The following ALDH3A1 variants were observed in gnomAD, a reference collection of about 807,000 sequenced individuals.
ALDH3A1 encodes aldehyde dehydrogenase, dimeric NADP-preferring.
A neutral mutation model predicts 49.9 loss-of-function variants in ALDH3A1; 46 were observed. That is an observed-to-expected ratio of 0.92 (90% confidence interval 0.73 to 1.18). The LOEUF is 1.18. ALDH3A1 is among the 50% of genes most tolerant of loss of function. ALDH3A1 has a pLI of 0.00. For synonymous variants in ALDH3A1, 269 were observed against 253.3 expected (o/e 1.06, Z -0.59); for missense variants, 592 against 611.8 (o/e 0.97, Z 0.34).
At position 19,742,075 on chromosome 17, in the gene ALDH3A1, A is replaced by G; in HGVS notation, c.618T>C (p.Pro206=). The G allele has an allele frequency of 6.2e-7, 1 of 1,614,024 alleles. No homozygotes were observed. Among genetic ancestry groups the G allele is most frequent in the East Asian group, 2.2e-5 (1 of 44,882 alleles). The change falls in exon 5 of 11, where the codon CCT becomes CCC. Residue 206 remains proline, a synonymous_variant. Transcript: ENST00000225740. ...IMTAAAKHLT[P]VTLELGGKSP... is the part of the protein sequence containing the mutation. ...TCTTCCCTCCCAGCTCCAGCGTGAC[A>G]GGGGTCAGGTGCTTGGCAGCAGCCG...
chr17:19,743,956 G>T lies in ALDH3A1; in HGVS notation c.163-493C>A, dbSNP rs1427903371. 1 of 985,258 alleles carries T rather than the reference G, an allele frequency of 1.0e-6. No homozygotes were observed. Among genetic ancestry groups the T allele is most frequent in the African/African-American group, 1.7e-5 (1 of 57,214 alleles). The allele number at this position is 985,258 out of a possible 1,614,324, so 61.0% of individuals were successfully genotyped here. On this transcript the variant is annotated intron_variant, in intron 2 of 10. Transcript: ENST00000225740. This position sits in a 1 kb window ranked among gnomAD's most constrained non-coding sequence, Gnocchi z 4.4. Reference sequence around the variant, plus strand: ...CTCAGGGCCTCCTGTGGGGAGCAGGGGTGAGAAGAGGAGATGCAGACGGCG... The same window carrying T: ...CTCAGGGCCTCCTGTGGGGAGCAGGTGTGAGAAGAGGAGATGCAGACGGCG...
intron 6 of ALDH3A1, 78 bp from the exon 7 acceptor site, chr17:19,740,555 C>A: frequency 1.3e-6 from 2 of 1,535,254 alleles, no homozygotes; most frequent in Non-Finnish European, 1.8e-6. Context: ...CACAGGCCAG[C>A]AGTGTCTGTC....
chr17:19,745,084 T>C lies in ALDH3A1; in HGVS notation c.46A>G (p.Ser16Gly), dbSNP rs754303573. The change falls in exon 2 of 11, where the codon AGC becomes GGC. Residue 16 changes from serine to glycine, a missense_variant. Ser to Gly is a moderately conservative substitution (Grantham distance 56, BLOSUM62 0). Coordinates refer to ENST00000225740, the MANE Select transcript of ALDH3A1 (RefSeq NM_000691.5). ...EAVKRARAAF[S>G]SGRTRPLQFR... is the part of the protein sequence containing the mutation. ...TGCAGCGGACGGGTCCTGCCCGAGC[T>C]GAAGGCGGCGCGGGCGCGCTTCACG... 1.3e-6 allele frequency: 2 copies of C among 1,591,252 alleles called. No homozygotes were observed. Among genetic ancestry groups the C allele is most frequent in the Non-Finnish European group, 1.7e-6 (2 of 1,175,132 alleles).
chr17:19,738,229 G>A lies in ALDH3A1; in HGVS notation c.1354C>T (p.Gln452Ter). The A allele has an allele frequency of 6.2e-7, 1 of 1,614,000 alleles. No homozygotes were observed. The highest frequency in any genetic ancestry group is 8.5e-7 in the Non-Finnish European group (1 of 1,179,998). ...RYPPSPAKMT[Q>*]H ...GGCGGAGCAACCCCTCCTCAGTGCT[G>A]GGTCATCTGTGAAAGGGACACGGAG... The change falls in exon 11 of 11, where the codon CAG (glutamine) becomes TAG (stop). Residue 452 changes from glutamine to a stop codon, truncating the protein, a stop_gained. Transcript: ENST00000225740. LOFTEE classifies it high-confidence loss of function.
chr17:19,740,028 G>A, intron 7 of ALDH3A1: 1 of 450,898 alleles, frequency 2.2e-6, no homozygotes, highest in South Asian at 3.9e-5. Context: ...GGCACTGGGG[G>A]CCCCTCACGG....
In ALDH3A1 at chr17:19,738,977, A is replaced by C; in HGVS notation, c.1216+19T>G. 6.2e-7 allele frequency: 1 copy of C among 1,606,358 alleles called. No homozygotes were observed. Among genetic ancestry groups the C allele is most frequent in the Non-Finnish European group, 8.5e-7 (1 of 1,175,982 alleles). On this transcript the variant is annotated intron_variant, in intron 9 of 10. Coordinates refer to ENST00000225740, the MANE Select transcript of ALDH3A1 (RefSeq NM_000691.5). The stretch of plus-strand genomic sequence containing the variant: ...CCCTGGGGCCCAGAGGGAGGCAGCA[A>C]GCTCAGCCCCAGACTCACCCACGCC...
chr17:19,742,120 C>T lies in ALDH3A1; in HGVS notation c.573G>A (p.Gly191=). The change falls in exon 5 of 11, where the codon GGG becomes GGA. Residue 191 remains glycine (G), a synonymous_variant. Coordinates refer to ENST00000225740, the MANE Select transcript of ALDH3A1 (RefSeq NM_000691.5). The part of the protein sequence containing the change: ...FDHILYTGST[G]VGKIIMTAAA... ...CAGCCGTCATGATGATCTTCCCCAC[C>T]CCCGTGCTGCCCGTGTACAGGATAT... The T allele has an allele frequency of 1.9e-6, 3 of 1,614,062 alleles. No homozygotes were observed. The South Asian group carries it at 3.3e-5, about 18-fold the overall frequency.
rs545856620 is a variant in ALDH3A1 at position 19,743,552 on chromosome 17, G to T, written c.163-89C>A. On this transcript the variant is annotated intron_variant, in intron 2 of 10. Transcript: ENST00000225740. This position sits in a 1 kb window ranked among gnomAD's most constrained non-coding sequence, Gnocchi z 4.4. ...GGAGCCCCACTGCTCAGCTGCCAGG[G>T]TGATGGGGGTCACTCACCCAGCCCA... 6 of 1,503,042 alleles carry T rather than the reference G, an allele frequency of 4.0e-6. No homozygotes were observed. The highest frequency in any genetic ancestry group is 1.3e-5 in the South Asian group (1 of 74,342). The allele number at this position is 1,503,042 out of a possible 1,614,324, so 93.1% of individuals were successfully genotyped here.
In ALDH3A1 at chr17:19,739,502, A is replaced by G; in HGVS notation, c.1116+6T>C. The G allele has an allele frequency of 6.2e-7, 1 of 1,606,060 alleles. No individual in the cohort carries two copies. The highest frequency in any genetic ancestry group is 8.5e-7 in the Non-Finnish European group (1 of 1,177,002). On this transcript the variant is annotated splice_donor_region_variant and intron_variant, in intron 8 of 10. Coordinates refer to ENST00000225740, the MANE Select transcript of ALDH3A1 (RefSeq NM_000691.5). ...TGGCAGAGGGCACCCCAGGCCCACC[A>G]CCCACCTTGTCGTTGCTGGAGAACA... is the stretch of plus-strand genomic sequence containing the variant.
rs777224011 is a variant in ALDH3A1, at chr17:19,742,213, C to T, written c.481-1G>A. ...CCCCATTGATTACTGGGTACAGATCCTTCCATGCAAGGAGAGAGGGGAGGC... is the reference window on the plus strand; with the variant it reads ...CCCCATTGATTACTGGGTACAGATCTTTCCATGCAAGGAGAGAGGGGAGGC... On this transcript the variant is annotated splice_acceptor_variant, in intron 4 of 10. Coordinates refer to ENST00000225740, the MANE Select transcript of ALDH3A1 (RefSeq NM_000691.5). LOFTEE classifies it high-confidence loss of function. 6.2e-7 allele frequency: 1 copy of T among 1,613,826 alleles called. No homozygotes were observed. Among genetic ancestry groups the T allele is most frequent in the Non-Finnish European group, 8.5e-7 (1 of 1,179,844 alleles).
Position 19,739,660 on chromosome 17 carries a change from T to TGAGGATGGTGGG in ALDH3A1, c.952_963dup (p.Pro318_Leu321dup). ...ACCGGGGACTGGGGGTCCACGTCCG[T>TGAGGATGGTGGG]GAGGATGGTGGGGGCTGAGGCAGGA... On this transcript the variant is annotated inframe_insertion, in exon 8 of 11. Coordinates refer to ENST00000225740, the MANE Select transcript of ALDH3A1 (RefSeq NM_000691.5). 1 of 1,613,416 alleles carries TGAGGATGGTGGG rather than the reference T, an allele frequency of 6.2e-7. No homozygotes were observed.
rs565535963 is a variant in ALDH3A1 at position 19,742,605 on chromosome 17, C to T, written c.420G>A (p.Ser140=). The part of the protein sequence containing the change: ...AAGNSVVLKP[S]ELSENMASLL... ...GGCTCGCCATGTTCTCACTCAGCTCCGAGGGCTTGAGGACCACTGAGTTCC... is the reference window on the plus strand; with the variant it reads ...GGCTCGCCATGTTCTCACTCAGCTCTGAGGGCTTGAGGACCACTGAGTTCC... Residue 140 remains serine (S), a synonymous_variant, in exon 4 of 11, where the codon TCG becomes TCA. Transcript: ENST00000225740. 9.9e-6 allele frequency: 16 copies of T among 1,614,042 alleles called. No homozygotes were observed. The highest frequency in any genetic ancestry group is 4.5e-5 in the East Asian group (2 of 44,886).
intron 2 of ALDH3A1, 52 bp downstream of exon 2, chr17:19,744,916 C>CCCCCCCCCCCCCCCCCA: frequency 1.5e-6 from 2 of 1,345,112 alleles, no homozygotes; most frequent in Non-Finnish European, 1.9e-6. Flanking sequence ...TCCCCCCACG[C>CCCCCCCCCCCCCCCCCA]CCCATCGCAT....
chr17:19,740,017 G>A (rs1387736991), intron 7 of ALDH3A1, among the ~76,000 whole-genome samples: 2 of 152,178 alleles, frequency 1.3e-5, no homozygotes, highest in South Asian at 2.1e-4. Context: ...CCCACAGCCT[G>A]GGCACTGGGG....
At position 19,743,440 on chromosome 17, in the gene ALDH3A1, C is replaced by G; in HGVS notation, c.186G>C (p.Glu62Asp). The change falls in exon 3 of 11, where the codon GAG becomes GAC. Residue 62 changes from glutamate (E) to aspartate (D), a missense_variant. Transcript: ENST00000225740. This position sits in a 1 kb window ranked among gnomAD's most constrained non-coding sequence, Gnocchi z 4.4. ...LHKNEWNAYY[E>D]EVVYVLEEIE... ...TCTCCTCTAGGACGTACACCACCTC[C>G]TCATAGTAGGCGTTCCATTCATTCT... The G allele has an allele frequency of 6.2e-7, 1 of 1,607,200 alleles. No individual in the cohort carries two copies. Among genetic ancestry groups the G allele is most frequent in the Non-Finnish European group, 8.5e-7 (1 of 1,175,760 alleles).
At chr17:19,747,956 C>T (rs2086620696) in intron 1 of ALDH3A1, 1 of 173,422 alleles carries the variant, frequency 5.8e-6, no homozygotes, top group African/African-American at 2.4e-5. Flanking sequence ...GTCAGCAGCT[C>T]ATGCCTTTAG....
Position 19,744,984 on chromosome 17 carries a change from G to A in ALDH3A1, c.146C>T (p.Ala49Val). The change falls in exon 2 of 11, where the codon GCC (alanine) becomes GTC (valine). Residue 49 changes from alanine to valine, a missense_variant. By Grantham distance (64) the Ala-to-Val change is moderately conservative. Coordinates refer to ENST00000225740, the MANE Select transcript of ALDH3A1 (RefSeq NM_000691.5). ...EQEQELVGALAADLHKNEWNA... is the reference protein window; with the variant it reads ...EQEQELVGALVADLHKNEWNA... ...CCTGAGCACCTTGTGCAGGTCTGCG[G>A]CCAGCGCGCCCACCAGCTCCTGCTC... The A allele has an allele frequency of 6.3e-7, 1 of 1,582,254 alleles. No homozygotes were observed. Among genetic ancestry groups the A allele is most frequent in the Non-Finnish European group, 8.5e-7 (1 of 1,173,664 alleles).
At chr17:19,741,883 C>T in intron 5 of ALDH3A1, 121 bp downstream of exon 5, 2 of 1,003,030 alleles carry the variant, frequency 2.0e-6, no homozygotes, top group Non-Finnish European at 3.0e-6. Flanking sequence ...GCAAGGACCA[C>T]TGCTCCATGA....
intron 1 of ALDH3A1, among the ~76,000 whole-genome samples, chr17:19,746,228 A>C (rs1261412690): frequency 6.6e-6 from 1 of 152,182 alleles, no homozygotes; most frequent in Non-Finnish European, 1.5e-5. Flanking sequence ...GTCTCTACTA[A>C]AAATACAAAA....
Sources: gnomAD v4.1 joint callset for allele counts (sites outside exome capture counted in the v4.1 genomes callset) on GRCh38, gnomAD v4.1.1 for gene constraint, Gnocchi (gnomAD v3.1) non-coding constraint, MANE v1.5 for transcripts, NCBI Gene and HGNC (gene_info 2026-07-23, HGNC 2026-07-21) for gene names.